The following NCKAP5 variants were observed in gnomAD, a reference collection of about 807,000 sequenced individuals.
The protein encoded by NCKAP5 is nck-associated protein 5.
Under a neutral mutation model 167.0 loss-of-function variants are expected in NCKAP5, and 92 were observed. That is an observed-to-expected ratio of 0.55 (90% CI 0.47 to 0.66). NCKAP5 has a LOEUF of 0.66. Ranked by LOEUF, NCKAP5 falls within the 30% of genes least tolerant of loss-of-function variation. The pLI is 0.00. For synonymous variants in NCKAP5, 891 were observed against 877.4 expected (o/e 1.02, Z -0.27); for missense variants, 2,378 against 2,315.0 (o/e 1.03, Z -0.56).
intron 7 of NCKAP5, among the ~76,000 whole-genome samples, chr2:132,973,761 C>T (rs2076901386): frequency 6.6e-6 from 1 of 151,762 alleles, no homozygotes; most frequent in Non-Finnish European, 1.5e-5. Flanking sequence ...AAAAGAAAAC[C>T]TTCTCTTTTT....
chr2:133,183,613 C>T (rs11902895), intron 5 of NCKAP5, among the ~76,000 whole-genome samples: 59,294 of 151,922 alleles, frequency 0.39, 12,362 homozygotes, highest in East Asian at 0.6. Flanking sequence ...ACAAACACCT[C>T]ACAAACTACA....
intron 3 of NCKAP5, among the ~76,000 whole-genome samples, chr2:133,461,242 C>T (rs193286538): frequency 2.2e-4 from 34 of 152,142 alleles, no homozygotes; most frequent in Admixed American, 1.4e-3. Context: ...TCATGGATAA[C>T]TTTTTCCATT....
At chr2:133,036,818 G>C (rs916996731) in intron 6 of NCKAP5, among the ~76,000 whole-genome samples, 12 of 151,970 alleles carry the variant, frequency 7.9e-5, no homozygotes, top group African/African-American at 2.9e-4. Context: ...ATCCTAGCTG[G>C]AGCAATCAGA....
At chr2:133,606,248 C>T in the NCKAP5 span, among the ~76,000 whole-genome samples, 1 of 152,104 alleles carries the variant, frequency 6.6e-6, no homozygotes, top group Non-Finnish European at 1.5e-5. Context: ...ATAAATATCC[C>T]ATATTATAAT....
intron 8 of NCKAP5, among the ~76,000 whole-genome samples, chr2:132,934,093 G>A (rs140522570): frequency 1.3e-3 from 199 of 152,166 alleles, no homozygotes; most frequent in African/African-American, 4.6e-3. Flanking sequence ...TCTTAACTAT[G>A]GCATTAGAAA....
At chr2:132,762,081 C>T (rs772206107) in intron 16 of NCKAP5, among the ~76,000 whole-genome samples, 1 of 152,212 alleles carries the variant, frequency 6.6e-6, no homozygotes, top group Non-Finnish European at 1.5e-5. Context: ...ACTCCATCCT[C>T]GTCACGCTGC....
intron 4 of NCKAP5, among the ~76,000 whole-genome samples, chr2:133,226,604 A>AACACACACAC (rs3051222): frequency 0.1 from 14,191 of 139,032 alleles, 800 homozygotes; most frequent in East Asian, 0.15. Context: ...TTTGAAGATA[A>AACACACACAC]ACACACACAC....
chr2:133,205,135 T>A (rs939838241), intron 5 of NCKAP5, among the ~76,000 whole-genome samples: 26 of 150,896 alleles, frequency 1.7e-4, no homozygotes, highest in African/African-American at 3.4e-4. Context: ...CAAAAAAATT[T>A]AAAAAAAAAT....
intron 6 of NCKAP5, among the ~76,000 whole-genome samples, chr2:133,116,160 G>A (rs878877392): frequency 1.3e-5 from 2 of 152,038 alleles, no homozygotes; most frequent in Admixed American, 1.3e-4. Flanking sequence ...ACTTGAAAAT[G>A]TATGTCTAAC....
At chr2:132,761,051 CCT>C (rs1680961527) in intron 16 of NCKAP5, among the ~76,000 whole-genome samples, 1 of 113,502 alleles carries the variant, frequency 8.8e-6, no homozygotes, top group Non-Finnish European at 1.9e-5. Flanking sequence ...CTTTTTTCCC[CCT>C]CTTTTTTCCC....
intron 2 of NCKAP5, among the ~76,000 whole-genome samples, chr2:133,548,940 G>A (rs1042778184): frequency 6.6e-6 from 1 of 151,840 alleles, no homozygotes; most frequent in Non-Finnish European, 1.5e-5. Flanking sequence ...GGGCAAATTG[G>A]ATCAAGAGTC....
At chr2:132,964,057 C>T (rs1259681397) in intron 7 of NCKAP5, among the ~76,000 whole-genome samples, 188 bp from the exon 8 acceptor site, 1 of 152,180 alleles carries the variant, frequency 6.6e-6, no homozygotes, top group African/African-American at 2.4e-5. Flanking sequence ...CCTGGAAGGA[C>T]AAGGCCATTG....
the NCKAP5 span, among the ~76,000 whole-genome samples, chr2:133,611,178 G>C: frequency 6.6e-6 from 1 of 152,140 alleles, no homozygotes; most frequent in East Asian, 1.9e-4. Context: ...TCTCTTTTCT[G>C]TGTTGACATA....
At chr2:132,949,754 C>A (rs72850169) in intron 8 of NCKAP5, among the ~76,000 whole-genome samples, 4,783 of 152,270 alleles carry the variant, frequency 0.031, 121 homozygotes, top group Middle Eastern at 0.051. Context: ...ATTCTGATAC[C>A]TCATTGAAAA....
chr2:132,775,772 C>T (rs1361291274), intron 15 of NCKAP5, among the ~76,000 whole-genome samples: 1 of 152,202 alleles, frequency 6.6e-6, no homozygotes, highest in Non-Finnish European at 1.5e-5. Flanking sequence ...CTTTTATCCT[C>T]TTTTATAGAA....
intron 2 of NCKAP5, among the ~76,000 whole-genome samples, chr2:133,556,441 G>A (rs1288984349): frequency 6.6e-6 from 1 of 152,160 alleles, no homozygotes; most frequent in Non-Finnish European, 1.5e-5. Context: ...TGATTGGTGT[G>A]TAGTATTCTT....
chr2:132,973,285 T>C (rs1344330708), intron 7 of NCKAP5, among the ~76,000 whole-genome samples: 2 of 152,192 alleles, frequency 1.3e-5, no homozygotes, highest in East Asian at 1.9e-4. Context: ...GTCAACCTTC[T>C]TGCGGATCAT....
At chr2:133,349,169 A>G (rs1193039287) in intron 3 of NCKAP5, among the ~76,000 whole-genome samples, 6 of 152,188 alleles carry the variant, frequency 3.9e-5, no homozygotes, top group Admixed American at 6.5e-5. Flanking sequence ...TTCAAGGCCT[A>G]TATTCCCCCA....
chr2:132,906,915 G>A (rs1196039110), intron 8 of NCKAP5, among the ~76,000 whole-genome samples: 1 of 152,178 alleles, frequency 6.6e-6, no homozygotes, highest in Non-Finnish European at 1.5e-5. Flanking sequence ...AAGGATTCAG[G>A]CTACAATAGA....
Sources: gnomAD v4.1 joint callset for allele counts (sites outside exome capture counted in the v4.1 genomes callset) on GRCh38, gnomAD v4.1.1 for gene constraint, MANE v1.5 for transcripts, NCBI Gene and HGNC (gene_info 2026-07-23, HGNC 2026-07-21) for gene names.